The following KIAA1549L variants were observed in gnomAD, a reference collection of about 807,000 sequenced individuals.
KIAA1549L encodes UPF0606 protein KIAA1549L.
Under a neutral mutation model 160.7 loss-of-function variants are expected in KIAA1549L, and 88 were observed. The observed-to-expected ratio is 0.55, with a 90% CI of 0.46 to 0.65. The LOEUF is 0.65. Among genes scored for constraint, KIAA1549L ranks in the 30% least tolerant of loss-of-function variants. KIAA1549L has a pLI of 0.00. For missense variants in KIAA1549L, 2,258 were observed against 2,437.5 expected (o/e 0.93, Z 1.55); for synonymous variants, 950 against 976.7 (o/e 0.97, Z 0.51).
chr11:33,597,338 G>A (rs960809723), intron 12 of KIAA1549L, among the ~76,000 whole-genome samples: 1 of 152,126 alleles, frequency 6.6e-6, no homozygotes, highest in Non-Finnish European at 1.5e-5. Flanking sequence ...GTATTAAAGT[G>A]TACAGACTGA....
In KIAA1549L at chr11:33,520,432, CA is replaced by C. The variant is rs371639338; in HGVS notation, c.239-21359del. On this transcript the variant is annotated intron_variant, in intron 1 of 20. Transcript: ENST00000658780. ...ATTTCACTTAACATAATGCCTTCTT[CA>C]AAAAAAAAAAGGTAGTTCATTGATT... Among the ~76,000 whole-genome samples, 275 of 139,646 alleles carry C rather than the reference CA, an allele frequency of 2.0e-3. 3 individuals are homozygous for C. The East Asian group carries it at 0.025, about 13-fold the overall frequency. The allele number at this position is 139,646 out of a possible 152,430, so 91.6% of individuals were successfully genotyped here. A position where few individuals can be genotyped will look rare whatever the true frequency, so the allele number is the denominator to read the frequency against.
intron 6 of KIAA1549L, among the ~76,000 whole-genome samples, chr11:33,555,045 C>T (rs1565184081): frequency 7.0e-6 from 1 of 142,306 alleles, no homozygotes; most frequent in Non-Finnish European, 1.5e-5. Context: ...ACTTTGAACC[C>T]GTAGGCCTCT....
chr11:33,548,171 A>G (rs912890989), intron 4 of KIAA1549L, among the ~76,000 whole-genome samples: 3 of 152,158 alleles, frequency 2.0e-5, no homozygotes, highest in Non-Finnish European at 4.4e-5. Context: ...AGGCCGAGGC[A>G]GGTGATCACT....
chr11:33,439,569 A>ATTTT (rs34456047), intron 1 of KIAA1549L, among the ~76,000 whole-genome samples: 1 of 123,984 alleles, frequency 8.1e-6, no homozygotes, highest in Non-Finnish European at 1.7e-5. Flanking sequence ...TGCCCGGCTA[A>ATTTT]TTTTTTTTTT....
chr11:33,517,554 A>C (rs981053821), intron 1 of KIAA1549L, among the ~76,000 whole-genome samples: 6 of 152,204 alleles, frequency 3.9e-5, no homozygotes, highest in African/African-American at 1.4e-4. Context: ...TAAGCAAATG[A>C]GGAAGAGTTG....
rs571164228 is a variant in KIAA1549L, at chr11:33,544,983, C to G, written c.2990C>G (p.Pro997Arg). 15 of 1,613,948 alleles carry G rather than the reference C, an allele frequency of 9.3e-6. No individual in the cohort carries two copies. In the African/African-American group the frequency reaches 2.0e-4, roughly 22 times the overall value. The stretch of plus-strand genomic sequence containing the variant: ...GCCGCATCTGGCCCAAAGAGGACAC[C>G]AGGGGCAGTCCATACAGCCTTCCCA... ...NKAASGPKRTPGAVHTAFPFT... is the reference protein window; with the variant it reads ...NKAASGPKRTRGAVHTAFPFT... The change falls in exon 3 of 21, where the codon CCA (proline) becomes CGA (arginine). Residue 997 changes from proline (P) to arginine (R), a missense_variant. Coordinates refer to ENST00000658780, the MANE Select transcript of KIAA1549L (RefSeq NM_012194.3).
intron 1 of KIAA1549L, among the ~76,000 whole-genome samples, chr11:33,445,128 A>G (rs1184892280): frequency 1.3e-5 from 2 of 152,194 alleles, no homozygotes; most frequent in Non-Finnish European, 2.9e-5. Context: ...TCTCAGTTGG[A>G]TGAGGGACCA....
At chr11:33,615,275 G>A (rs76339303) in intron 15 of KIAA1549L, among the ~76,000 whole-genome samples, 14,742 of 152,088 alleles carry the variant, frequency 0.097, 2,413 homozygotes, top group African/African-American at 0.33. Flanking sequence ...GGCCATCTCT[G>A]TGGAACCCCA....
intron 16 of KIAA1549L, among the ~76,000 whole-genome samples, chr11:33,629,381 G>A (rs1851211160): frequency 1.3e-5 from 2 of 152,168 alleles, no homozygotes; most frequent in Admixed American, 1.3e-4. Context: ...CCTGCAGAGT[G>A]TTTTCCAACT....
intron 10 of KIAA1549L, among the ~76,000 whole-genome samples, chr11:33,576,531 C>A (rs542678548): frequency 6.6e-6 from 1 of 152,160 alleles, no homozygotes; most frequent in Non-Finnish European, 1.5e-5. Context: ...GTTCTCAGCT[C>A]TTTCTCCCTC....
Position 33,648,191 on chromosome 11 carries a change from T to A in KIAA1549L, c.5760+2155T>A, listed in dbSNP as rs542064588. On this transcript the variant is annotated intron_variant, in intron 17 of 20. Transcript: ENST00000658780. ...TTGTATTTTTAGTAGAGAGGGGGTT[T>A]CACCACGTTGGCCAGGCTGGTCTCA... Among the ~76,000 whole-genome samples, 3 of 152,144 alleles carry A rather than the reference T, an allele frequency of 2.0e-5. No individual in the cohort carries two copies. In the South Asian group the frequency reaches 6.2e-4, roughly 32 times the overall value.
At chr11:33,504,984 C>T (rs1853046999) in intron 1 of KIAA1549L, among the ~76,000 whole-genome samples, 1 of 152,078 alleles carries the variant, frequency 6.6e-6, no homozygotes, top group South Asian at 2.1e-4. Context: ...CCAAGCTGGT[C>T]TCAAACTCCT....
chr11:33,625,913 A>T (rs1298483796), intron 16 of KIAA1549L, among the ~76,000 whole-genome samples: 5 of 150,438 alleles, frequency 3.3e-5, no homozygotes, highest in Admixed American at 2.6e-4. Context: ...TAAGTCTTTA[A>T]TCCATCTTGA....
In KIAA1549L at chr11:33,669,547, T is replaced by C. The variant is rs1852601472; in HGVS notation, c.*1393T>C. ...ACTTGGTATCTGTTGGAGAATGAGG[T>C]CCTGTCCTGCTTTCACCCATGACCC... On this transcript the variant is annotated 3_prime_UTR_variant, in exon 21 of 21. Transcript: ENST00000658780. 6.6e-6 allele frequency: 1 copy of C among 152,246 alleles called. No individual in the cohort carries two copies. The highest frequency in any genetic ancestry group is 1.5e-5 in the Non-Finnish European group (1 of 68,066). The allele number at this position is 152,246 out of a possible 1,614,324, so 9.4% of individuals were successfully genotyped here.
intron 8 of KIAA1549L, among the ~76,000 whole-genome samples, chr11:33,563,779 T>A (rs1373850064): frequency 1.3e-5 from 2 of 152,182 alleles, no homozygotes; most frequent in African/African-American, 4.8e-5. Context: ...AAAATCATGT[T>A]TTCTTTACAA....
chr11:33,645,110 C>T (rs559933742), intron 16 of KIAA1549L, among the ~76,000 whole-genome samples: 34 of 152,190 alleles, frequency 2.2e-4, no homozygotes, highest in Admixed American at 3.9e-4. Context: ...AATCTCCTGG[C>T]GGGCTTATTA....
chr11:33,475,988 A>G (rs1301529984), intron 1 of KIAA1549L, among the ~76,000 whole-genome samples: 1 of 152,170 alleles, frequency 6.6e-6, no homozygotes, highest in African/African-American at 2.4e-5. Flanking sequence ...AAACCCTCAC[A>G]TGTGCCCATC....
chr11:33,453,962 A>G (rs1851771654), intron 1 of KIAA1549L, among the ~76,000 whole-genome samples: 1 of 151,976 alleles, frequency 6.6e-6, no homozygotes, highest in Non-Finnish European at 1.5e-5. Flanking sequence ...TTCCCCCTTC[A>G]CTCCCCCAGG....
intron 1 of KIAA1549L, among the ~76,000 whole-genome samples, chr11:33,520,682 C>T (rs1234838436): frequency 1.5e-5 from 2 of 131,452 alleles, no homozygotes; most frequent in Non-Finnish European, 3.1e-5. Flanking sequence ...CCCCCCACCC[C>T]CAACACACAC....
Sources: allele counts gnomAD v4.1 joint callset (sites outside exome capture counted in the v4.1 genomes callset), GRCh38; gene constraint gnomAD v4.1.1; transcripts MANE v1.5; gene names NCBI Gene and HGNC (gene_info 2026-07-23, HGNC 2026-07-21).